The following SLC35F1 variants were observed in gnomAD, a reference collection of about 807,000 sequenced individuals.
The protein encoded by SLC35F1 is solute carrier family 35 member F1.
A neutral mutation model predicts 48.7 loss-of-function variants in SLC35F1; 14 were observed. That is an observed-to-expected ratio of 0.29 (90% CI 0.19 to 0.45). The LOEUF (loss-of-function observed/expected upper bound fraction) is 0.45, where lower values mean the gene tolerates loss of function less well. Among genes scored for constraint, SLC35F1 ranks in the 20% least tolerant of loss-of-function variants. The pLI is 1.00. For synonymous variants in SLC35F1, 190 were observed against 202.2 expected, an observed-to-expected ratio of 0.94 and a Z score of 0.51; for missense variants, 404 against 500.0, an observed-to-expected ratio of 0.81 and a Z score of 1.83.
chr6:117,929,788 A>G (rs1262056754), intron 1 of SLC35F1, among the ~76,000 whole-genome samples: 1 of 152,158 alleles, frequency 6.6e-6, no homozygotes, highest in Non-Finnish European at 1.5e-5. Flanking sequence ...CATAGCAAAC[A>G]TCTAAACTAA....
chr6:118,031,099 A>T (rs9320628), intron 1 of SLC35F1, among the ~76,000 whole-genome samples: 35,416 of 152,066 alleles, frequency 0.23, 4,349 homozygotes, highest in East Asian at 0.36. Flanking sequence ...ACATTTGTTA[A>T]AATCAATGTG....
At chr6:117,990,408 G>A (rs189062048) in intron 1 of SLC35F1, among the ~76,000 whole-genome samples, 5 of 152,270 alleles carry the variant, frequency 3.3e-5, no homozygotes, top group Admixed American at 6.5e-5. Flanking sequence ...CCAGTGAAAT[G>A]TCTTCTCTGG....
At chr6:117,978,811 A>G (rs545967097) in intron 1 of SLC35F1, among the ~76,000 whole-genome samples, 3 of 152,384 alleles carry the variant, frequency 2.0e-5, no homozygotes, top group South Asian at 2.1e-4. Flanking sequence ...ATATTTCTGT[A>G]TAAGCCTGTC....
intron 1 of SLC35F1, among the ~76,000 whole-genome samples, chr6:118,036,370 T>G (rs1348347301): frequency 6.6e-6 from 1 of 152,242 alleles, no homozygotes; most frequent in Non-Finnish European, 1.5e-5. Context: ...ATTCAGTTGT[T>G]AGAGAACAAA....
At chr6:118,063,393 G>T (rs530621314) in intron 1 of SLC35F1, among the ~76,000 whole-genome samples, 47 of 148,434 alleles carry the variant, frequency 3.2e-4, no homozygotes, top group Non-Finnish European at 6.8e-4. Flanking sequence ...TATGGTTAAG[G>T]CACCAGATAA....
chr6:118,032,330 G>C (rs540538556), intron 1 of SLC35F1, among the ~76,000 whole-genome samples: 1 of 152,268 alleles, frequency 6.6e-6, no homozygotes, highest in East Asian at 1.9e-4. Flanking sequence ...ACAAAGCAAA[G>C]CAGAGATTTG....
chr6:117,950,704 A>T (rs138168516), intron 1 of SLC35F1, among the ~76,000 whole-genome samples: 1 of 152,222 alleles, frequency 6.6e-6, no homozygotes, highest in African/African-American at 2.4e-5. Context: ...TTAAGATGAT[A>T]GATATAGAGA....
chr6:118,247,014 T>C (rs12111275), intron 3 of SLC35F1, among the ~76,000 whole-genome samples: 2,089 of 152,278 alleles, frequency 0.014, 36 homozygotes, highest in African/African-American at 0.036. Flanking sequence ...CTCCAGCACA[T>C]AGTAGATGCT....
At chr6:118,055,553 AAC>A (rs1376915214) in intron 1 of SLC35F1, among the ~76,000 whole-genome samples, 1 of 152,234 alleles carries the variant, frequency 6.6e-6, no homozygotes, top group Non-Finnish European at 1.5e-5. Flanking sequence ...TAAGTCAAAG[AAC>A]TGGGCTAAAG....
intron 3 of SLC35F1, among the ~76,000 whole-genome samples, chr6:118,239,127 A>C (rs1775404259): frequency 6.6e-6 from 1 of 151,166 alleles, no homozygotes; most frequent in Non-Finnish European, 1.5e-5. Context: ...CTTTTACCTG[A>C]GAAGGATGTT....
At chr6:118,108,800 A>C (rs1253884335) in intron 1 of SLC35F1, among the ~76,000 whole-genome samples, 1 of 152,184 alleles carries the variant, frequency 6.6e-6, no homozygotes, top group Non-Finnish European at 1.5e-5. Flanking sequence ...GTAGATGAAG[A>C]AATGAGTTTA....
At position 117,960,202 on chromosome 6, in the gene SLC35F1, C is replaced by A. The variant is rs113454261; in HGVS notation, c.173+52303C>A. The stretch of plus-strand genomic sequence containing the variant: ...TATTACAAACTATCTATGTTTGCTT[C>A]TTTCTTTCTGTGTATTCCTAGATGT... On this transcript the variant is annotated intron_variant, in intron 1 of 7. Coordinates refer to ENST00000360388, the MANE Select transcript of SLC35F1 (RefSeq NM_001029858.4). Among the ~76,000 whole-genome samples, 953 of 151,838 alleles carry A rather than the reference C, an allele frequency of 6.3e-3. 9 individuals are homozygous for A. Among genetic ancestry groups the A allele is most frequent in the African/African-American group, 0.022 (902 of 41,458 alleles).
intron 1 of SLC35F1, among the ~76,000 whole-genome samples, chr6:117,914,324 T>C (rs1775801955): frequency 6.6e-6 from 1 of 151,146 alleles, no homozygotes; most frequent in Non-Finnish European, 1.5e-5. Flanking sequence ...CAATTCCTAA[T>C]AAATTCCATT....
chr6:117,985,751 G>A (rs975191519), intron 1 of SLC35F1, among the ~76,000 whole-genome samples: 9 of 152,312 alleles, frequency 5.9e-5, no homozygotes, highest in South Asian at 4.1e-4. Flanking sequence ...AAAACAGCTC[G>A]TCAAATTAGT....
intron 1 of SLC35F1, among the ~76,000 whole-genome samples, chr6:118,015,840 A>G (rs545764358): frequency 1.3e-5 from 2 of 152,202 alleles, no homozygotes; most frequent in South Asian, 4.2e-4. Flanking sequence ...ACCAGACTAA[A>G]AGCTCCTTAA....
intron 1 of SLC35F1, among the ~76,000 whole-genome samples, chr6:118,049,471 A>G (rs575289193): frequency 7.2e-5 from 11 of 152,338 alleles, no homozygotes; most frequent in African/African-American, 2.6e-4. Flanking sequence ...CTCATTTGAC[A>G]AAGGGCTAAT....
intron 1 of SLC35F1, among the ~76,000 whole-genome samples, chr6:117,936,816 G>A (rs1014691005): frequency 2.0e-5 from 3 of 152,086 alleles, no homozygotes; most frequent in African/African-American, 7.2e-5. Flanking sequence ...ATCAAGGCAG[G>A]ATTTGCATGG....
chr6:117,925,288 C>G (rs1209290257), intron 1 of SLC35F1, among the ~76,000 whole-genome samples: 2 of 152,000 alleles, frequency 1.3e-5, no homozygotes, highest in African/African-American at 4.8e-5. Context: ...AGATAAAGGA[C>G]TTGCATTTAG....
intron 2 of SLC35F1, among the ~76,000 whole-genome samples, chr6:118,167,302 T>C (rs992572431): frequency 6.6e-6 from 1 of 152,218 alleles, no homozygotes; most frequent in South Asian, 2.1e-4. Flanking sequence ...TTTACAGTCA[T>C]GCCTCACTTA....
Sources: allele counts gnomAD v4.1 joint callset (sites outside exome capture counted in the v4.1 genomes callset), GRCh38; gene constraint gnomAD v4.1.1; transcripts MANE v1.5; gene names NCBI Gene and HGNC (gene_info 2026-07-23, HGNC 2026-07-21).